Variants in GPHN observed in about 807,000 individuals in gnomAD.
GPHN encodes gephyrin.
GPHN carries 17 observed loss-of-function variants against 95.5 expected under a neutral mutation model. The observed-to-expected ratio is 0.18, with a 90% CI of 0.12 to 0.27. The LOEUF (loss-of-function observed/expected upper bound fraction) is 0.27, where lower values mean the gene tolerates loss of function less well. GPHN is among the 10% of genes least tolerant of loss of function. The probability of loss-of-function intolerance (pLI) is 1.00; values close to 1 mark genes in which losing one functional copy is unlikely to be tolerated. For missense variants in GPHN, 660 were observed against 978.1 expected, an observed-to-expected ratio of 0.67 and a Z score of 4.34; for synonymous variants, 320 against 322.5, an observed-to-expected ratio of 0.99 and a Z score of 0.08.
chr14:67,726,872 G>T, the GPHN span: 5 of 900,844 alleles, frequency 5.6e-6, no homozygotes, highest in Admixed American at 5.8e-5. Flanking sequence ...CATCAAAATT[G>T]GTTCACACCC....
chr14:67,642,302 G>A, the GPHN span: 201 of 1,614,168 alleles, frequency 1.2e-4, 2 homozygotes, highest in South Asian at 2.0e-3. Context: ...GGAACTGGCT[G>A]AGGTGGTTAG....
intron 4 of GPHN, among the ~76,000 whole-genome samples, chr14:66,827,294 A>AT (rs1566987307): frequency 6.6e-6 from 1 of 151,686 alleles, no homozygotes; most frequent in African/African-American, 2.4e-5. Context: ...AAAAAAAAAA[A>AT]GGCGGGGTGA....
chr14:66,954,891 A>G (rs2068380872), intron 8 of GPHN, among the ~76,000 whole-genome samples: 1 of 152,236 alleles, frequency 6.6e-6, no homozygotes, highest in South Asian at 2.1e-4. Flanking sequence ...TTTCCCCTTC[A>G]TTCTGTTAAC....
chr14:67,652,991 A>G, the GPHN span, among the ~76,000 whole-genome samples: 2 of 152,194 alleles, frequency 1.3e-5, no homozygotes, highest in East Asian at 1.9e-4. Flanking sequence ...GGGTTTCACC[A>G]TTTGAGCCAG....
chr14:66,613,221 T>A (rs1044731796), intron 1 of GPHN, among the ~76,000 whole-genome samples: 1 of 152,122 alleles, frequency 6.6e-6, no homozygotes, highest in African/African-American at 2.4e-5. Context: ...TAAAGGCACC[T>A]TATTTACTAT....
intron 21 of GPHN, among the ~76,000 whole-genome samples, chr14:67,174,283 G>A (rs527249336): frequency 4.9e-5 from 6 of 122,726 alleles, no homozygotes; most frequent in East Asian, 5.2e-4. Context: ...CCCTGTGTCC[G>A]TGTGTTCTCA....
chr14:67,594,055 T>G, the GPHN span: 1 of 747,740 alleles, frequency 1.3e-6, no homozygotes, highest in Non-Finnish European at 2.3e-6. Flanking sequence ...TTGCTTTTAT[T>G]TGGGTTCTAA....
intron 3 of GPHN, among the ~76,000 whole-genome samples, chr14:66,784,564 A>T (rs1566941942): frequency 6.6e-6 from 1 of 152,198 alleles, no homozygotes; most frequent in Admixed American, 6.5e-5. Flanking sequence ...ATATGTACAT[A>T]CTTAACACAA....
the GPHN span, among the ~76,000 whole-genome samples, chr14:67,694,778 T>G: frequency 6.6e-6 from 1 of 152,140 alleles, no homozygotes; most frequent in Non-Finnish European, 1.5e-5. Flanking sequence ...AGTAGGTGAC[T>G]GTGGTAAGAA....
At chr14:67,325,801 C>T in the GPHN span, among the ~76,000 whole-genome samples, 1 of 148,804 alleles carries the variant, frequency 6.7e-6, no homozygotes, top group Admixed American at 6.8e-5. Context: ...ACATGTTAAA[C>T]ATGTTAAGCA....
Position 66,956,035 on chromosome 14 carries a change from C to T in GPHN, c.829-9156C>T, listed in dbSNP as rs146119601. Among the ~76,000 whole-genome samples, 519 of 152,234 alleles carry T rather than the reference C, an allele frequency of 3.4e-3. 2 individuals carry two copies. Among genetic ancestry groups the T allele is most frequent in the Non-Finnish European group, 5.2e-3 (356 of 68,022 alleles). Reference sequence around the variant, plus strand: ...AATTTTGTTGATACTTTTAAAGGACCAACTTTGATTTTGTTGATTCTTTCA... The same window carrying T: ...AATTTTGTTGATACTTTTAAAGGACTAACTTTGATTTTGTTGATTCTTTCA... On this transcript the variant is annotated intron_variant, in intron 8 of 22. Transcript: ENST00000478722.
At chr14:66,560,431 A>G (rs1303342109) in intron 1 of GPHN, among the ~76,000 whole-genome samples, 1 of 152,114 alleles carries the variant, frequency 6.6e-6, no homozygotes, top group African/African-American at 2.4e-5. Flanking sequence ...AGTGGTTTGT[A>G]GTTCTCCTTG....
At chr14:67,527,361 T>C in the GPHN span, among the ~76,000 whole-genome samples, 1,027 of 152,114 alleles carry the variant, frequency 6.8e-3, 16 homozygotes, top group African/African-American at 0.023. Flanking sequence ...CTGTTTCAGC[T>C]CGGGAGCCGG....
chr14:66,513,434 G>C (rs1004434445), intron 1 of GPHN, among the ~76,000 whole-genome samples: 4 of 151,652 alleles, frequency 2.6e-5, no homozygotes, highest in African/African-American at 7.3e-5. Context: ...TTTTAATCTT[G>C]CTAGTGATAG....
At chr14:66,763,504 T>C (rs1265443818) in intron 2 of GPHN, among the ~76,000 whole-genome samples, 2 of 150,006 alleles carry the variant, frequency 1.3e-5, no homozygotes, top group African/African-American at 5.0e-5. Flanking sequence ...GGTTTTTTGT[T>C]CTTGCGATGG....
the GPHN span, among the ~76,000 whole-genome samples, chr14:67,244,353 A>G: frequency 6.6e-6 from 1 of 152,228 alleles, no homozygotes; most frequent in African/African-American, 2.4e-5. Context: ...TGCTGTAATC[A>G]TTTACATTCC....
chr14:67,295,414 C>T, the GPHN span, among the ~76,000 whole-genome samples: 39 of 150,492 alleles, frequency 2.6e-4, no homozygotes, highest in Non-Finnish European at 4.1e-4. Flanking sequence ...CACTTAAACC[C>T]GGGAGGCAAA....
the GPHN span, chr14:67,320,531 G>C: frequency 8.9e-5 from 71 of 794,560 alleles, no homozygotes; most frequent in Non-Finnish European, 1.2e-4. Flanking sequence ...TTTAACCAAA[G>C]ATTTTGACAA....
chr14:67,243,984 T>G, the GPHN span, among the ~76,000 whole-genome samples: 1 of 152,170 alleles, frequency 6.6e-6, no homozygotes, highest in Admixed American at 6.5e-5. Context: ...AAAATGCTGT[T>G]CTCCATATTC....
Sources: gnomAD v4.1 joint callset for allele counts (sites outside exome capture counted in the v4.1 genomes callset) on GRCh38, gnomAD v4.1.1 for gene constraint, MANE v1.5 for transcripts, NCBI Gene and HGNC (gene_info 2026-07-23, HGNC 2026-07-21) for gene names.